ITPR1: variants seen among roughly 807,000 people sequenced by gnomAD.
ITPR1 encodes the protein inositol 1,4,5-trisphosphate receptor type 1, also known as inositol 1,4,5-trisphosphate-gated calcium channel ITPR1.
Under a neutral mutation model 318.4 loss-of-function variants are expected in ITPR1, and 96 were observed. That is an observed-to-expected ratio of 0.30 (90% CI 0.26 to 0.36). ITPR1 has a LOEUF of 0.36. Among genes scored for constraint, ITPR1 ranks in the 10% least tolerant of loss-of-function variants. The pLI, the probability that ITPR1 is intolerant of heterozygous loss-of-function variation, is 1.00. For synonymous variants in ITPR1, 1,312 were observed against 1,289.9 expected (o/e 1.02, Z -0.37); for missense variants, 2,440 against 3,460.2 (o/e 0.71, Z 7.40).
intron 33 of ITPR1, among the ~76,000 whole-genome samples, chr3:4,694,848 C>A (rs554921834): frequency 1.3e-5 from 2 of 152,070 alleles, no homozygotes; most frequent in Non-Finnish European, 2.9e-5. Flanking sequence ...ACGGGGTAAA[C>A]CATGAAAAGT....
chr3:4,834,229 C>T (rs534593234), intron 60 of ITPR1, among the ~76,000 whole-genome samples: 16 of 152,166 alleles, frequency 1.1e-4, no homozygotes, highest in African/African-American at 4.8e-5. Flanking sequence ...CTCTCCTTGA[C>T]TAAATTGTAA....
At chr3:4,587,563 G>T (rs571491333) in intron 4 of ITPR1, among the ~76,000 whole-genome samples, 14 of 152,142 alleles carry the variant, frequency 9.2e-5, no homozygotes, top group Non-Finnish European at 1.8e-4. Flanking sequence ...GAGCCACCCT[G>T]CCCGGCCCAC....
At chr3:4,522,659 T>G (rs1235425397) in intron 4 of ITPR1, among the ~76,000 whole-genome samples, 2 of 152,352 alleles carry the variant, frequency 1.3e-5, no homozygotes, top group African/African-American at 4.8e-5. Flanking sequence ...AGACAAAATC[T>G]TGAGTGCTGC....
intron 46 of ITPR1, among the ~76,000 whole-genome samples, chr3:4,770,614 G>A (rs3792501): frequency 0.25 from 38,528 of 152,086 alleles, 5,953 homozygotes; most frequent in East Asian, 0.52. Context: ...GCCCATTTCA[G>A]CCTGTGGTGC....
chr3:4,738,488 A>G (rs2043443582), intron 44 of ITPR1, among the ~76,000 whole-genome samples: 1 of 152,204 alleles, frequency 6.6e-6, no homozygotes, highest in Non-Finnish European at 1.5e-5. Context: ...GAGAAGTCAG[A>G]GGCCCCATTC....
At chr3:4,696,850 G>A (rs1348692539) in intron 33 of ITPR1, among the ~76,000 whole-genome samples, 1 of 151,998 alleles carries the variant, frequency 6.6e-6, no homozygotes, top group African/African-American at 2.4e-5. Context: ...CTCTTGAATG[G>A]TGCCTTTTTA....
At chr3:4,811,013 T>G (rs1453481309) in intron 55 of ITPR1, among the ~76,000 whole-genome samples, 1 of 152,218 alleles carries the variant, frequency 6.6e-6, no homozygotes, top group East Asian at 1.9e-4. Flanking sequence ...CTATTTCCAG[T>G]CCCTCTAAAT....
intron 4 of ITPR1, among the ~76,000 whole-genome samples, chr3:4,599,115 C>T (rs150149463): frequency 1.3e-5 from 2 of 151,964 alleles, no homozygotes; most frequent in African/African-American, 4.8e-5. Flanking sequence ...TGAGGGTTTC[C>T]TATGGGTAAA....
intron 26 of ITPR1, 57 bp downstream of exon 26, chr3:4,681,475 G>A (rs1012321113): frequency 7.7e-6 from 9 of 1,172,298 alleles, no homozygotes; most frequent in Non-Finnish European, 9.0e-6. Context: ...AGAGCTCTCA[G>A]AGGCCTTCCC....
At chr3:4,634,846 C>T (rs762641537) in intron 5 of ITPR1, among the ~76,000 whole-genome samples, 17 of 152,180 alleles carry the variant, frequency 1.1e-4, no homozygotes, top group Non-Finnish European at 2.5e-4. Context: ...TCAAGTGATT[C>T]TCCTGCCTCA....
intron 5 of ITPR1, among the ~76,000 whole-genome samples, chr3:4,636,621 G>T (rs771179975): frequency 6.6e-6 from 1 of 152,116 alleles, no homozygotes; most frequent in African/African-American, 2.4e-5. Context: ...TAGAGACAGC[G>T]TTTCACCATG....
intron 4 of ITPR1, among the ~76,000 whole-genome samples, chr3:4,588,702 A>C (rs1344579602): frequency 1.3e-5 from 2 of 152,092 alleles, no homozygotes; most frequent in African/African-American, 4.8e-5. Context: ...CAACTTTCTA[A>C]GTGACACTTC....
intron 31 of ITPR1, among the ~76,000 whole-genome samples, chr3:4,690,393 G>A (rs2125244310): frequency 6.6e-6 from 1 of 152,334 alleles, no homozygotes; most frequent in African/African-American, 2.4e-5. Flanking sequence ...TTAGACATCA[G>A]AGAAATGCAA....
At chr3:4,785,466 T>C (rs989172357) in intron 51 of ITPR1, among the ~76,000 whole-genome samples, 8 of 152,272 alleles carry the variant, frequency 5.3e-5, no homozygotes, top group African/African-American at 1.9e-4. Context: ...TGATGGAGAC[T>C]TTTCAAGAAT....
At chr3:4,636,764 T>A (rs1258313211) in intron 5 of ITPR1, among the ~76,000 whole-genome samples, 1 of 152,266 alleles carries the variant, frequency 6.6e-6, no homozygotes, top group Non-Finnish European at 1.5e-5. Context: ...TCTTTAGATA[T>A]TTATTCTCCA....
rs915146642 is a variant in ITPR1, at chr3:4,831,020, T to C, written c.8029-5754T>C. The C allele has an allele frequency of 6.6e-6, 3 of 456,386 alleles. No individual in the cohort carries two copies. In the Admixed American group the frequency reaches 7.1e-5, roughly 11 times the overall value. 28.3% of individuals were successfully genotyped at this position (456,386 alleles called of 1,614,324 possible). A position where few individuals can be genotyped will look rare whatever the true frequency, so the allele number is the denominator to read the frequency against. On this transcript the variant is annotated intron_variant, in intron 60 of 61. Transcript: ENST00000649015. ...TTAGAACAGCCTCTTCTTTTGAACCTGGGAAGAAAAAAAAATACCCCACTT... is the reference window on the plus strand; with the variant it reads ...TTAGAACAGCCTCTTCTTTTGAACCCGGGAAGAAAAAAAAATACCCCACTT...
chr3:4,797,001 A>C (rs1389492054), intron 53 of ITPR1, among the ~76,000 whole-genome samples: 1 of 152,090 alleles, frequency 6.6e-6, no homozygotes, highest in Non-Finnish European at 1.5e-5. Context: ...GGGTCCTTCC[A>C]ACTCTAAAAT....
rs139119243 is a variant in ITPR1 at position 4,526,333 on chromosome 3, C to A, written c.163+5239C>A. The stretch of plus-strand genomic sequence containing the variant: ...GGTTCATATGAATTGGGGAGGGGAT[C>A]AGACAGACTGAATATGTGGATGTTC... On this transcript the variant is annotated intron_variant, in intron 4 of 61. Coordinates refer to ENST00000649015, the MANE Select transcript of ITPR1 (RefSeq NM_001378452.1). 3.5e-3 allele frequency among the ~76,000 whole-genome samples: 534 copies of A among 152,318 alleles called. 3 individuals are homozygous for A. Among genetic ancestry groups the A allele is most frequent in the African/African-American group, 0.012 (514 of 41,574 alleles).
At chr3:4,530,194 A>G (rs945812296) in intron 4 of ITPR1, among the ~76,000 whole-genome samples, 1 of 152,236 alleles carries the variant, frequency 6.6e-6, no homozygotes, top group Non-Finnish European at 1.5e-5. Flanking sequence ...TATAGTATTT[A>G]TCACTATCTG....
Sources: gnomAD v4.1 joint callset for allele counts (sites outside exome capture counted in the v4.1 genomes callset) on GRCh38, gnomAD v4.1.1 for gene constraint, MANE v1.5 for transcripts, NCBI Gene and HGNC (gene_info 2026-07-23, HGNC 2026-07-21) for gene names.